KLF8: variants seen among roughly 807,000 people sequenced by gnomAD.
KLF8 encodes KLF transcription factor 8.
In KLF8, 10 loss-of-function variants were observed where a neutral mutation model predicts 18.2. That is an observed-to-expected ratio of 0.55 (90% CI 0.34 to 0.93). The LOEUF (loss-of-function observed/expected upper bound fraction) is 0.93. KLF8 is among the 40% of genes least tolerant of loss of function. The pLI is 0.02. For missense variants in KLF8, 264 were observed against 277.9 expected (o/e 0.95, Z 0.36); for synonymous variants, 109 against 97.3 (o/e 1.12, Z -0.71).
At chrX:55,912,079 G>A in the KLF8 span, among the ~76,000 whole-genome samples, 1 of 111,658 alleles carries the variant, frequency 9.0e-6, no homozygotes, top group Non-Finnish European at 1.9e-5. Context: ...TAGAGTTGAG[G>A]TTGTCTTAGT....
chrX:56,144,767 A>T, the KLF8 span, among the ~76,000 whole-genome samples: 1 of 73,551 alleles, frequency 1.4e-5, no homozygotes, highest in Non-Finnish European at 2.7e-5. Context: ...AAAAAAAAAA[A>T]AAAGAAAAGA....
At chrX:56,247,096 A>G (rs2066631884) in intron 1 of KLF8, among the ~76,000 whole-genome samples, 1 of 111,976 alleles carries the variant, frequency 8.9e-6, no homozygotes, top group Admixed American at 9.5e-5. Context: ...CATTGTGTGA[A>G]TATCATAGAA....
chrX:55,914,868 C>T, the KLF8 span, among the ~76,000 whole-genome samples: 2 of 111,222 alleles, frequency 1.8e-5, no homozygotes, highest in African/African-American at 6.5e-5. Flanking sequence ...TTTTTATAAG[C>T]ACGATATGAG....
At chrX:55,975,259 C>T in the KLF8 span, among the ~76,000 whole-genome samples, 1 of 110,904 alleles carries the variant, frequency 9.0e-6, no homozygotes, top group South Asian at 3.9e-4. Flanking sequence ...AAGATAAGTG[C>T]AAGACCCTGA....
the KLF8 span, among the ~76,000 whole-genome samples, chrX:56,141,884 G>A: frequency 8.9e-6 from 1 of 111,760 alleles, no homozygotes; most frequent in Non-Finnish European, 1.9e-5. Flanking sequence ...AAAGTTATAT[G>A]AACAAAAATT....
At chrX:56,179,967 C>T in the KLF8 span, among the ~76,000 whole-genome samples, 7 of 110,920 alleles carry the variant, frequency 6.3e-5, no homozygotes, top group Admixed American at 3.9e-4. Context: ...TTTCTTGTGT[C>T]TCTGCCAGGC....
At chrX:55,908,368 G>C in the KLF8 span, 3 of 288,291 alleles carry the variant, frequency 1.0e-5, no homozygotes, top group Non-Finnish European at 1.8e-5. Context: ...CAAGTTGTGC[G>C]ATGCAGCTTT....
At chrX:55,972,967 A>G in the KLF8 span, among the ~76,000 whole-genome samples, 3 of 112,454 alleles carry the variant, frequency 2.7e-5, no homozygotes, top group African/African-American at 9.7e-5. Flanking sequence ...TTCCAACTGT[A>G]CTACAAGAAT....
chrX:56,033,782 G>A, the KLF8 span, among the ~76,000 whole-genome samples: 3 of 111,509 alleles, frequency 2.7e-5, no homozygotes, highest in African/African-American at 6.5e-5. Flanking sequence ...TTTTTTTCAT[G>A]TACCTGTTGG....
Position 56,285,752 on chromosome X carries a change from G to T in KLF8, c.*1258G>T, listed in dbSNP as rs1026263684. 49 of 111,497 alleles carry T rather than the reference G, an allele frequency of 4.4e-4. No homozygotes were observed. Among genetic ancestry groups the T allele is most frequent in the African/African-American group, 1.5e-3 (46 of 30,735 alleles). The allele number at this position is 111,497 out of a possible 1,213,427, so 9.2% of individuals were successfully genotyped here. On this transcript the variant is annotated 3_prime_UTR_variant, in exon 6 of 6. Transcript: ENST00000468660. ...ATATACTCATTTAGCTGCCCAATCAGATTGTTTTATAATATTACCTGGGGT... is the reference window on the plus strand; with the variant it reads ...ATATACTCATTTAGCTGCCCAATCATATTGTTTTATAATATTACCTGGGGT...
At chrX:56,091,754 C>T in the KLF8 span, among the ~76,000 whole-genome samples, 3 of 111,912 alleles carry the variant, frequency 2.7e-5, no homozygotes, top group South Asian at 3.7e-4. Context: ...TTTGGCCTCC[C>T]AAAGTGCTGG....
intron 1 of KLF8, among the ~76,000 whole-genome samples, chrX:56,234,070 CT>C (rs1248499268): frequency 3.2e-4 from 34 of 105,803 alleles, no homozygotes; most frequent in East Asian, 5.8e-4. Context: ...TTTTTGTGGG[CT>C]TTTTTTTTTA....
At chrX:56,266,424 A>G in intron 3 of KLF8, 1 of 710,437 alleles carries the variant, frequency 1.4e-6, no homozygotes, top group Non-Finnish European at 1.7e-6. Context: ...CTGAAAAATA[A>G]TACTCTATCT....
chrX:56,215,749 G>A, the KLF8 span, among the ~76,000 whole-genome samples: 1 of 97,879 alleles, frequency 1.0e-5, no homozygotes, highest in Admixed American at 1.1e-4. Flanking sequence ...CTTGAACCCA[G>A]GAGGTGGAGG....
At chrX:56,025,581 T>C in the KLF8 span, among the ~76,000 whole-genome samples, 2 of 112,199 alleles carry the variant, frequency 1.8e-5, no homozygotes, top group African/African-American at 3.2e-5. Context: ...GAGAACCGCA[T>C]CTTATTCCTT....
At chrX:56,181,163 A>T in the KLF8 span, among the ~76,000 whole-genome samples, 1 of 111,690 alleles carries the variant, frequency 9.0e-6, no homozygotes, top group East Asian at 2.8e-4. Context: ...GGGTGCATAT[A>T]TATTTAGGAT....
chrX:56,281,877 CA>C (rs776144709), intron 5 of KLF8, among the ~76,000 whole-genome samples: 1 of 112,487 alleles, frequency 8.9e-6, no homozygotes. Flanking sequence ...AATGATAATA[CA>C]AGGGTAAATG....
the KLF8 span, among the ~76,000 whole-genome samples, chrX:56,164,505 A>G: frequency 4.2e-5 from 4 of 94,305 alleles, no homozygotes; most frequent in Non-Finnish European, 4.2e-5. Flanking sequence ...CAAATAGAGT[A>G]GAAAAGAACA....
At chrX:56,060,614 C>T in the KLF8 span, among the ~76,000 whole-genome samples, 6 of 111,767 alleles carry the variant, frequency 5.4e-5, no homozygotes, top group South Asian at 1.1e-3. Context: ...ATTTTTACAT[C>T]GATGTTCATC....
Sources: allele counts gnomAD v4.1 joint callset (sites outside exome capture counted in the v4.1 genomes callset), GRCh38; gene constraint gnomAD v4.1.1; transcripts MANE v1.5; gene names NCBI Gene and HGNC (gene_info 2026-07-23, HGNC 2026-07-21).